Variants in ZNF605 observed in about 807,000 individuals in gnomAD.
ZNF605 encodes zinc finger protein 605.
ZNF605 carries 9 observed loss-of-function variants against 7.9 expected under a neutral mutation model. The ratio of observed to expected loss-of-function variants is 1.14; its 90% CI spans 0.68 to 1.98. The LOEUF (loss-of-function observed/expected upper bound fraction) is 1.98, where lower values mean the gene tolerates loss of function less well. Among genes scored for constraint, ZNF605 ranks in the 30% most tolerant of loss-of-function variants. ZNF605 has a pLI of 0.00. For missense variants in ZNF605, 673 were observed against 762.4 expected, an observed-to-expected ratio of 0.88 and a Z score of 1.38; for synonymous variants, 255 against 260.1, an observed-to-expected ratio of 0.98 and a Z score of 0.19.
chr12:132,941,087 G>C lies in ZNF605; in HGVS notation c.15+4534C>G, dbSNP rs929218426. Reference sequence around the variant, plus strand: ...TACCCATACGGGTGCTCACCAAAAAGACTCCAGTGCTGACCCAGGAAACAC... The same window carrying C: ...TACCCATACGGGTGCTCACCAAAAACACTCCAGTGCTGACCCAGGAAACAC... On this transcript the variant is annotated intron_variant, in intron 3 of 4. Coordinates refer to ENST00000360187, the MANE Select transcript of ZNF605 (RefSeq NM_183238.4). The surrounding 1 kb of genome is among the most constrained non-coding windows in gnomAD (Gnocchi z 5.1). 9.9e-5 allele frequency among the ~76,000 whole-genome samples: 15 copies of C among 152,102 alleles called. No homozygotes were observed. The highest frequency in any genetic ancestry group is 4.4e-5 in the Non-Finnish European group (3 of 68,028).
chr12:132,932,621 G>T, intron 4 of ZNF605: 2 of 816,904 alleles, frequency 2.4e-6, no homozygotes, highest in Non-Finnish European at 3.7e-6. Context: ...TTTAAACACA[G>T]TTTTATAAAC....
At chr12:132,951,245 GTACA>G (rs1220636705) in intron 1 of ZNF605, among the ~76,000 whole-genome samples, 1 of 146,698 alleles carries the variant, frequency 6.8e-6, no homozygotes, top group African/African-American at 2.5e-5. Context: ...ACTCAGACAC[GTACA>G]TACAGACGCA....
At chr12:132,952,463 A>T (rs1052998618) in intron 1 of ZNF605, among the ~76,000 whole-genome samples, 43 of 151,670 alleles carry the variant, frequency 2.8e-4, no homozygotes, top group African/African-American at 1.0e-3. Context: ...AAAAAAAAAA[A>T]AAAAAAGGAA....
At chr12:132,934,704 A>G (rs1019036348) in intron 3 of ZNF605, among the ~76,000 whole-genome samples, 8 of 74,754 alleles carry the variant, frequency 1.1e-4, no homozygotes, top group African/African-American at 4.2e-4. Context: ...GATTCCGTCT[A>G]AAAAAAAAAA....
chr12:132,947,778 T>C (rs1952509407), intron 2 of ZNF605, among the ~76,000 whole-genome samples: 3 of 151,936 alleles, frequency 2.0e-5, no homozygotes. Flanking sequence ...AAAAGTTTTT[T>C]TTTTTTTTGA....
chr12:132,945,304 T>A, intron 3 of ZNF605: 1 of 937,074 alleles, frequency 1.1e-6, no homozygotes, highest in Non-Finnish European at 1.7e-6. Context: ...TGTGCTTCTT[T>A]GGACATCTTC....
At chr12:132,938,258 G>A (rs1266793648) in intron 3 of ZNF605, among the ~76,000 whole-genome samples, 1 of 151,986 alleles carries the variant, frequency 6.6e-6, no homozygotes, top group Non-Finnish European at 1.5e-5. Flanking sequence ...GGGATTACAG[G>A]CAAGAGCCAC....
intron 4 of ZNF605, among the ~76,000 whole-genome samples, chr12:132,930,452 AT>A (rs1331049110): frequency 6.6e-6 from 1 of 152,210 alleles, no homozygotes; most frequent in Non-Finnish European, 1.5e-5. Flanking sequence ...TGTAAACTGT[AT>A]GAGTGTAGGG....
chr12:132,929,876 C>T (rs902178393), intron 4 of ZNF605, among the ~76,000 whole-genome samples: 125 of 152,186 alleles, frequency 8.2e-4, no homozygotes, highest in Admixed American at 1.8e-3. Context: ...ACCCGGGAGT[C>T]GGAGGTTGTA....
At position 132,919,405 on chromosome 12, in the gene ZNF605, A is replaced by C. The variant is rs1184116679; in HGVS notation, c.*5968T>G. On this transcript the variant is annotated 3_prime_UTR_variant, in exon 5 of 5. Coordinates refer to ENST00000360187, the MANE Select transcript of ZNF605 (RefSeq NM_183238.4). ...TTTTTTTTTTTTTTTTTTTTTTTTG[A>C]GATGGAGTCTCGCTTTGTCGCTCAG... 4.0e-5 allele frequency: 3 copies of C among 75,410 alleles called. No individual in the cohort carries two copies. Among genetic ancestry groups the C allele is most frequent in the African/African-American group, 1.7e-4 (3 of 17,820 alleles). The allele number at this position is 75,410 out of a possible 1,614,324, so 4.7% of individuals were successfully genotyped here.
At chr12:132,939,630 C>T (rs560667940) in intron 3 of ZNF605, among the ~76,000 whole-genome samples, 3,378 of 152,214 alleles carry the variant, frequency 0.022, 124 homozygotes, top group African/African-American at 0.076. Context: ...ACAGGCCACT[C>T]GGCTCTACCA....
chr12:132,926,633 T>C lies in ZNF605; in HGVS notation c.666A>G (p.Glu222=). 1 of 1,614,078 alleles carries C rather than the reference T, an allele frequency of 6.2e-7. No homozygotes were observed. The highest frequency in any genetic ancestry group is 2.2e-5 in the East Asian group (1 of 44,854). Residue 222 remains glutamate (E), a synonymous_variant, in exon 5 of 5, where the codon GAA becomes GAG. Transcript: ENST00000360187. The part of the protein sequence containing the change: ...LTVHQRTHSG[E]KPHGCSECQK... ...GACATTCGCTGCACCCATGCGGTTT[T>C]TCTCCTGAGTGAGTTCTTTGATGAA...
chr12:132,954,166 G>A (rs927009404), intron 1 of ZNF605, among the ~76,000 whole-genome samples: 16 of 150,922 alleles, frequency 1.1e-4, no homozygotes, highest in Non-Finnish European at 1.8e-4. Flanking sequence ...ATCCCTACAG[G>A]CCCAACTGAT....
intron 1 of ZNF605, among the ~76,000 whole-genome samples, chr12:132,955,054 C>A: frequency 6.6e-6 from 1 of 152,016 alleles, no homozygotes; most frequent in South Asian, 2.1e-4. Context: ...ATAAAACATA[C>A]AACTGGACAG....
intron 4 of ZNF605, chr12:132,932,778 A>C: frequency 1.3e-6 from 2 of 1,536,526 alleles, no homozygotes; most frequent in East Asian, 2.4e-5. Context: ...CAGTTTGAAC[A>C]TTGCATCAGG....
At chr12:132,953,262 C>T (rs2137169409) in intron 1 of ZNF605, among the ~76,000 whole-genome samples, 1 of 152,336 alleles carries the variant, frequency 6.6e-6, no homozygotes, top group Admixed American at 6.5e-5. Flanking sequence ...GGCCGCCCCT[C>T]CAGGGCCTTC....
In ZNF605 at chr12:132,921,239, G is replaced by A. The variant is rs1401536622; in HGVS notation, c.*4134C>T. 1 of 152,140 alleles carries A rather than the reference G, an allele frequency of 6.6e-6. No homozygotes were observed. Among genetic ancestry groups the A allele is most frequent in the Non-Finnish European group, 1.5e-5 (1 of 68,042 alleles). The allele number at this position is 152,140 out of a possible 1,614,324, so 9.4% of individuals were successfully genotyped here. On this transcript the variant is annotated 3_prime_UTR_variant, in exon 5 of 5. Coordinates refer to ENST00000360187, the MANE Select transcript of ZNF605 (RefSeq NM_183238.4). Reference sequence around the variant, plus strand: ...TCCCAATTTGGCCTCCCCAAGCACTGGGATTACAGGTGTGAGACACCACCC... The same window carrying A: ...TCCCAATTTGGCCTCCCCAAGCACTAGGATTACAGGTGTGAGACACCACCC...
chr12:132,952,450 C>CAAA (rs76640666), intron 1 of ZNF605, among the ~76,000 whole-genome samples: 2 of 88,940 alleles, frequency 2.2e-5, no homozygotes, highest in African/African-American at 4.1e-5. Context: ...GACTCTGTCT[C>CAAA]AAAAAAAAAA....
chr12:132,939,521 G>C (rs1282722591), intron 3 of ZNF605, among the ~76,000 whole-genome samples: 163 of 152,212 alleles, frequency 1.1e-3, no homozygotes, highest in African/African-American at 3.8e-3. Flanking sequence ...TGGAGAACCT[G>C]TGTGTGGAAA....
Sources: gnomAD v4.1 joint callset for allele counts (sites outside exome capture counted in the v4.1 genomes callset) on GRCh38, gnomAD v4.1.1 for gene constraint, Gnocchi (gnomAD v3.1) non-coding constraint, MANE v1.5 for transcripts, NCBI Gene and HGNC (gene_info 2026-07-23, HGNC 2026-07-21) for gene names.